Variants in GRM8 observed in about 807,000 individuals in gnomAD.
GRM8 encodes glutamate metabotropic receptor 8.
Under a neutral mutation model 87.2 loss-of-function variants are expected in GRM8, and 47 were observed. The ratio of observed to expected loss-of-function variants is 0.54; its 90% CI spans 0.43 to 0.69. The LOEUF (loss-of-function observed/expected upper bound fraction) is 0.69, where lower values mean the gene tolerates loss of function less well. GRM8 is among the 30% of genes least tolerant of loss of function. The pLI is 0.00. For synonymous variants in GRM8, 396 were observed against 404.5 expected (o/e 0.98, Z 0.25); for missense variants, 1,019 against 1,139.2 (o/e 0.89, Z 1.52).
chr7:127,010,815 C>T (rs1259716588), intron 3 of GRM8, among the ~76,000 whole-genome samples: 3 of 152,036 alleles, frequency 2.0e-5, no homozygotes, highest in Non-Finnish European at 4.4e-5. Flanking sequence ...TTTAGGTATC[C>T]ACTCATTAAT....
chr7:126,944,016 C>T (rs769809142), intron 3 of GRM8, among the ~76,000 whole-genome samples: 1 of 152,084 alleles, frequency 6.6e-6, no homozygotes, highest in Non-Finnish European at 1.5e-5. Context: ...GATCTGCTGA[C>T]CTCCTTCTTG....
chr7:126,932,463 T>G (rs971493701), intron 3 of GRM8, among the ~76,000 whole-genome samples: 1 of 152,162 alleles, frequency 6.6e-6, no homozygotes, highest in Non-Finnish European at 1.5e-5. Flanking sequence ...TATTAGTTAT[T>G]TAAGACACGT....
chr7:126,984,018 A>G (rs1422375908), intron 3 of GRM8, among the ~76,000 whole-genome samples: 3 of 149,688 alleles, frequency 2.0e-5, no homozygotes, highest in Non-Finnish European at 3.0e-5. Context: ...CTTCATTTGT[A>G]CCAAGAAAAT....
chr7:127,045,608 C>A (rs1404019286), intron 3 of GRM8, among the ~76,000 whole-genome samples: 1 of 152,022 alleles, frequency 6.6e-6, no homozygotes, highest in Non-Finnish European at 1.5e-5. Flanking sequence ...GGTGTAGAGA[C>A]TTAATTATAT....
At chr7:126,821,119 A>G (rs1285853369) in intron 6 of GRM8, among the ~76,000 whole-genome samples, 1 of 152,106 alleles carries the variant, frequency 6.6e-6, no homozygotes, top group Non-Finnish European at 1.5e-5. Context: ...AACCAGTATA[A>G]ATGACACACA....
chr7:126,913,050 G>C (rs1361978), intron 3 of GRM8, among the ~76,000 whole-genome samples: 23,135 of 152,076 alleles, frequency 0.15, 2,005 homozygotes, highest in Non-Finnish European at 0.21. Flanking sequence ...TTTAGTTGTT[G>C]CTCATTTATA....
In GRM8 at chr7:126,687,306, C is replaced by T. The variant is rs373073360; in HGVS notation, c.1358-77808G>A. Among the ~76,000 whole-genome samples the T allele has an allele frequency of 2.2e-4, 33 of 152,250 alleles. No individual in the cohort carries two copies. The South Asian group carries it at 5.8e-3, about 27-fold the overall frequency. Reference sequence around the variant, plus strand: ...CCTAAACCTTTTAGTTTAGTTTTTGCCTGTTATTTTTCTAACTTTACATAA... The same window carrying T: ...CCTAAACCTTTTAGTTTAGTTTTTGTCTGTTATTTTTCTAACTTTACATAA... On this transcript the variant is annotated intron_variant, in intron 7 of 10. Coordinates refer to ENST00000339582, the MANE Select transcript of GRM8 (RefSeq NM_000845.3).
chr7:126,986,292 G>A (rs1010005376), intron 3 of GRM8, among the ~76,000 whole-genome samples: 1 of 152,096 alleles, frequency 6.6e-6, no homozygotes, highest in African/African-American at 2.4e-5. Flanking sequence ...TTACAGGCTT[G>A]AGTCACCACA....
At position 126,904,736 on chromosome 7, in the gene GRM8, G is replaced by A; in HGVS notation, c.728-53C>T. On this transcript the variant is annotated intron_variant, in intron 3 of 10. Transcript: ENST00000339582. ...TTCAGAAAGAGCATTTATTTAATTAGCAAACCCAATTACCTACTTTATAAA... is the reference window on the plus strand; with the variant it reads ...TTCAGAAAGAGCATTTATTTAATTAACAAACCCAATTACCTACTTTATAAA... 3.9e-6 allele frequency: 6 copies of A among 1,536,784 alleles called. 1 individual carries two copies. Among genetic ancestry groups the A allele is most frequent in the Middle Eastern group, 3.4e-4 (2 of 5,838 alleles).
At chr7:126,539,813 C>A (rs1816327678) in intron 8 of GRM8, among the ~76,000 whole-genome samples, 1 of 151,404 alleles carries the variant, frequency 6.6e-6, no homozygotes, top group African/African-American at 2.4e-5. Flanking sequence ...AAAAAGGATC[C>A]AAGACACAAT....
intron 7 of GRM8, among the ~76,000 whole-genome samples, chr7:126,618,318 A>G (rs1203757685): frequency 2.6e-5 from 4 of 152,230 alleles, no homozygotes; most frequent in Non-Finnish European, 5.9e-5. Flanking sequence ...AAAACTGGCT[A>G]GCCATATGTA....
chr7:126,726,753 T>C (rs1813029747), intron 7 of GRM8, among the ~76,000 whole-genome samples: 1 of 152,158 alleles, frequency 6.6e-6, no homozygotes, highest in South Asian at 2.1e-4. Flanking sequence ...ACTGCAGAGC[T>C]ATACAAAGTG....
intron 8 of GRM8, among the ~76,000 whole-genome samples, chr7:126,581,627 CT>C (rs561302270): frequency 1.3e-5 from 2 of 151,828 alleles, no homozygotes; most frequent in African/African-American, 4.8e-5. Flanking sequence ...CATTACGGTG[CT>C]TTTTTTTATT....
chr7:126,470,729 T>A (rs1000150409), intron 9 of GRM8, among the ~76,000 whole-genome samples: 1 of 152,218 alleles, frequency 6.6e-6, no homozygotes, highest in African/African-American at 2.4e-5. Flanking sequence ...CTAGGTCAAA[T>A]GGCATTTCTA....
intron 2 of GRM8, among the ~76,000 whole-genome samples, chr7:127,164,087 G>C (rs1793291943): frequency 6.6e-6 from 1 of 152,080 alleles, no homozygotes; most frequent in Non-Finnish European, 1.5e-5. Flanking sequence ...ACTGTCCTCA[G>C]GATAGTGAGT....
At chr7:126,891,764 C>A (rs1801031824) in intron 6 of GRM8, among the ~76,000 whole-genome samples, 1 of 151,984 alleles carries the variant, frequency 6.6e-6, no homozygotes, top group Non-Finnish European at 1.5e-5. Flanking sequence ...AGGAACTGGG[C>A]TAAATTATTC....
intron 7 of GRM8, among the ~76,000 whole-genome samples, chr7:126,756,979 A>G (rs1817078887): frequency 6.6e-6 from 1 of 152,164 alleles, no homozygotes; most frequent in Non-Finnish European, 1.5e-5. Context: ...AATTATGGGT[A>G]TTGTACTAAA....
At chr7:126,465,350 C>CAT (rs755546002) in intron 9 of GRM8, 8 of 79,438 alleles carry the variant, frequency 1.0e-4, no homozygotes, top group African/African-American at 2.6e-4. Context: ...TTTCGATACA[C>CAT]ACACACACAC....
At chr7:127,154,081 G>A (rs985068044) in intron 2 of GRM8, among the ~76,000 whole-genome samples, 6 of 152,064 alleles carry the variant, frequency 3.9e-5, no homozygotes, top group African/African-American at 1.4e-4. Flanking sequence ...AAGAATCAGT[G>A]TAGCACCATA....
Sources: gnomAD v4.1 joint callset for allele counts (sites outside exome capture counted in the v4.1 genomes callset) on GRCh38, gnomAD v4.1.1 for gene constraint, MANE v1.5 for transcripts, NCBI Gene and HGNC (gene_info 2026-07-23, HGNC 2026-07-21) for gene names.